Variants in TCHP observed in about 807,000 individuals in gnomAD.
TCHP encodes the protein trichoplein keratin filament-binding protein.
TCHP carries 81 observed loss-of-function variants against 88.7 expected under a neutral mutation model. That is an observed-to-expected ratio of 0.91 (90% CI 0.76 to 1.10). TCHP has a LOEUF of 1.10. Among genes scored for constraint, TCHP ranks in the 50% least tolerant of loss-of-function variants. The pLI, the probability that TCHP is intolerant of heterozygous loss-of-function variation, is 0.00. For synonymous variants in TCHP, 232 were observed against 232.5 expected (o/e 1.00, Z 0.02); for missense variants, 641 against 632.1 (o/e 1.01, Z -0.15).
the TCHP span, among the ~76,000 whole-genome samples, chr12:109,891,241 C>T: frequency 6.6e-6 from 1 of 152,156 alleles, no homozygotes; most frequent in Non-Finnish European, 1.5e-5. Context: ...TTATAGTAAG[C>T]ACAGTTTAAA....
rs1870854992 is a variant in TCHP at position 109,916,972 on chromosome 12, A to G, written c.*349A>G. ...GGGGCGTGTGGTTTCCTGTTGTCTC[A>G]CCTTTAATTGTCAACCTCCAGTGTT... On this transcript the variant is annotated 3_prime_UTR_variant, in exon 13 of 13. Transcript: ENST00000405876. The G allele has an allele frequency of 4.5e-6, 1 of 223,228 alleles. No homozygotes were observed. The highest frequency in any genetic ancestry group is 1.7e-4 in the South Asian group (1 of 5,818). The allele number at this position is 223,228 out of a possible 1,614,324, so 13.8% of individuals were successfully genotyped here. A position where few individuals can be genotyped will look rare whatever the true frequency, so the allele number is the denominator to read the frequency against.
chr12:109,911,289 T>C, intron 9 of TCHP, 54 bp downstream of exon 9: 1 of 981,100 alleles, frequency 1.0e-6, no homozygotes, highest in Non-Finnish European at 1.5e-6. Flanking sequence ...CTCTGATACC[T>C]TGAAATGCCC....
Position 109,900,327 on chromosome 12 carries a change from A to G in TCHP, c.-100A>G, listed in dbSNP as rs906914893. 4 of 152,046 alleles carry G rather than the reference A, an allele frequency of 2.6e-5. No individual in the cohort carries two copies. The highest frequency in any genetic ancestry group is 9.7e-5 in the African/African-American group (4 of 41,416). 9.4% of individuals were successfully genotyped at this position (152,046 alleles called of 1,614,324 possible). A position where few individuals can be genotyped will look rare whatever the true frequency, so the allele number is the denominator to read the frequency against. On this transcript the variant is annotated 5_prime_UTR_variant, in exon 1 of 13. Coordinates refer to ENST00000405876, the MANE Select transcript of TCHP (RefSeq NM_001143852.2). Reference sequence around the variant, plus strand: ...GGGAGGAAACAGCCGGCGTTGCTGTAGCGCGTCTGGGAATTACACCGGGGG... The same window carrying G: ...GGGAGGAAACAGCCGGCGTTGCTGTGGCGCGTCTGGGAATTACACCGGGGG...
chr12:109,891,912 A>G, the TCHP span, among the ~76,000 whole-genome samples: 7 of 150,888 alleles, frequency 4.6e-5, no homozygotes, highest in Admixed American at 6.6e-5. Context: ...GTTTCACCAT[A>G]TTGGCCAAGC....
intron 5 of TCHP, 107 bp from the exon 6 acceptor site, chr12:109,907,419 A>G: frequency 8.6e-7 from 1 of 1,159,366 alleles, no homozygotes; most frequent in Non-Finnish European, 1.2e-6. Context: ...TTTGGGATTC[A>G]GGCAGGAACT....
At chr12:109,891,540 C>T in the TCHP span, among the ~76,000 whole-genome samples, 91 of 149,940 alleles carry the variant, frequency 6.1e-4, no homozygotes, top group African/African-American at 2.0e-3. Flanking sequence ...ATTACAGGTG[C>T]GCAACACCAT....
intron 10 of TCHP, 172 bp from the exon 11 acceptor site, chr12:109,914,270 G>A: frequency 1.8e-6 from 1 of 562,686 alleles, no homozygotes; most frequent in South Asian, 2.2e-5. Context: ...TGGCAAGCGT[G>A]GCCGACATCG....
At chr12:109,916,502 T>A (rs1470842701) in intron 12 of TCHP, 89 bp from the exon 13 acceptor site, 1 of 1,343,944 alleles carries the variant, frequency 7.4e-7, no homozygotes, top group African/African-American at 1.5e-5. Flanking sequence ...TTTATATTGT[T>A]CTTTTAGCTT....
At chr12:109,913,505 A>T (rs546179829) in intron 10 of TCHP, among the ~76,000 whole-genome samples, 2 of 152,244 alleles carry the variant, frequency 1.3e-5, no homozygotes, top group African/African-American at 4.8e-5. Flanking sequence ...GTGTTGTTCT[A>T]ATTGGAAGCC....
rs1870884112 is a variant in TCHP, at chr12:109,917,513, CGTA to C, written c.*892_*894del. 1.3e-5 allele frequency: 2 copies of C among 152,190 alleles called. No homozygotes were observed. Among genetic ancestry groups the C allele is most frequent in the South Asian group, 4.1e-4 (2 of 4,822 alleles). The allele number at this position is 152,190 out of a possible 1,614,324, so 9.4% of individuals were successfully genotyped here. ...ACCTTTTAAAGGCAGGGGCGTGACA[CGTA>C]GGACACATTGGGAATGTCTTGGCTA... On this transcript the variant is annotated 3_prime_UTR_variant, in exon 13 of 13. Transcript: ENST00000405876.
chr12:109,913,624 G>A (rs1057283817), intron 10 of TCHP, among the ~76,000 whole-genome samples: 7 of 152,156 alleles, frequency 4.6e-5, no homozygotes, highest in African/African-American at 1.7e-4. Flanking sequence ...CTGCTTTCCT[G>A]GTCAGTGTGT....
the TCHP span, among the ~76,000 whole-genome samples, chr12:109,885,441 A>C: frequency 5.7e-3 from 856 of 150,224 alleles, 4 homozygotes; most frequent in South Asian, 0.021. Context: ...CAGATGACAC[A>C]GTGATTTTTA....
Position 109,905,465 on chromosome 12 carries a change from G to C in TCHP, c.456+672G>C, listed in dbSNP as rs1870074482. Among the ~76,000 whole-genome samples, 1 of 152,188 alleles carries C rather than the reference G, an allele frequency of 6.6e-6. No individual in the cohort carries two copies. Among genetic ancestry groups the C allele is most frequent in the South Asian group, 2.1e-4 (1 of 4,832 alleles). The stretch of plus-strand genomic sequence containing the variant: ...GCATTTCAGAGAGACTCCTCTGGTA[G>C]CAATGTGCCCGCCGACAGGGAGGGG... On this transcript the variant is annotated intron_variant, in intron 4 of 12. Transcript: ENST00000405876. The surrounding 1 kb of genome is among the most constrained non-coding windows in gnomAD (Gnocchi z 4.0).
intron 9 of TCHP, among the ~76,000 whole-genome samples, chr12:109,911,705 CTGGGGGTG>C: frequency 6.6e-6 from 1 of 151,612 alleles, no homozygotes; most frequent in East Asian, 1.9e-4. Context: ...GACCTGGCCT[CTGGGGGTG>C]TTTCCCTTGT....
intron 10 of TCHP, among the ~76,000 whole-genome samples, chr12:109,913,471 T>C (rs1323827210): frequency 6.6e-6 from 1 of 152,258 alleles, no homozygotes; most frequent in Non-Finnish European, 1.5e-5. Flanking sequence ...CCGCTGCCTT[T>C]CCATTCCCTC....
At position 109,916,830 on chromosome 12, in the gene TCHP, C is replaced by A; in HGVS notation, c.*207C>A. Reference sequence around the variant, plus strand: ...GAGAGTCCCTTTCATGCCTTTCTTACCCAAGCAAGGGTCTTTGATGGGCAC... The same window carrying A: ...GAGAGTCCCTTTCATGCCTTTCTTAACCAAGCAAGGGTCTTTGATGGGCAC... On this transcript the variant is annotated 3_prime_UTR_variant, in exon 13 of 13. Coordinates refer to ENST00000405876, the MANE Select transcript of TCHP (RefSeq NM_001143852.2). 1.7e-6 allele frequency: 1 copy of A among 571,474 alleles called. No homozygotes were observed. The highest frequency in any genetic ancestry group is 3.1e-6 in the Non-Finnish European group (1 of 324,204). 35.4% of individuals were successfully genotyped at this position (571,474 alleles called of 1,614,324 possible).
intron 8 of TCHP, among the ~76,000 whole-genome samples, chr12:109,910,463 T>C (rs1477265874): frequency 6.6e-6 from 1 of 152,148 alleles, no homozygotes; most frequent in Non-Finnish European, 1.5e-5. Context: ...ACCATAGGTG[T>C]ACATCACAAT....
intron 8 of TCHP, among the ~76,000 whole-genome samples, chr12:109,909,378 A>G (rs567084212): frequency 6.6e-6 from 1 of 152,338 alleles, no homozygotes; most frequent in East Asian, 1.9e-4. Flanking sequence ...AGCACCTGCA[A>G]TCTCTGTCTA....
At chr12:109,890,800 G>T in the TCHP span, among the ~76,000 whole-genome samples, 29 of 152,146 alleles carry the variant, frequency 1.9e-4, no homozygotes, top group Non-Finnish European at 4.3e-4. Flanking sequence ...ACGAGCCACC[G>T]TGCTCAGCTG....
Sources: gnomAD v4.1 joint callset for allele counts (sites outside exome capture counted in the v4.1 genomes callset) on GRCh38, gnomAD v4.1.1 for gene constraint, Gnocchi (gnomAD v3.1) non-coding constraint, MANE v1.5 for transcripts, NCBI Gene and HGNC (gene_info 2026-07-23, HGNC 2026-07-21) for gene names.